DNAH11: variants seen among roughly 807,000 people sequenced by gnomAD.
The protein encoded by DNAH11 is dynein axonemal heavy chain 11.
In DNAH11, 442 loss-of-function variants were observed where a neutral mutation model predicts 526.0. The observed-to-expected ratio is 0.84, with a 90% CI of 0.78 to 0.91. The LOEUF (loss-of-function observed/expected upper bound fraction) is 0.91, where lower values mean the gene tolerates loss of function less well. Among genes scored for constraint, DNAH11 ranks in the 40% least tolerant of loss-of-function variants. The pLI, the probability that DNAH11 is intolerant of heterozygous loss-of-function variation, is 0.00. For missense variants in DNAH11, 6,989 were observed against 5,448.7 expected, an observed-to-expected ratio of 1.28 and a Z score of -8.90; for synonymous variants, 2,461 against 1,935.9, an observed-to-expected ratio of 1.27 and a Z score of -7.12.
chr7:21,707,669 T>A, intron 39 of DNAH11, 30 bp from the exon 40 acceptor site: 1 of 1,594,188 alleles, frequency 6.3e-7, no homozygotes, highest in Non-Finnish European at 8.5e-7. Flanking sequence ...TTAGTATTAA[T>A]TTTTTTGGCT....
At chr7:21,761,192 C>A (rs191218313) in intron 54 of DNAH11, among the ~76,000 whole-genome samples, 13 of 152,264 alleles carry the variant, frequency 8.5e-5, no homozygotes, top group African/African-American at 2.9e-4. Context: ...GCAAGGAAAG[C>A]TGGATGGCAG....
chr7:21,584,613 A>G (rs1220518299), intron 9 of DNAH11, among the ~76,000 whole-genome samples: 1 of 152,184 alleles, frequency 6.6e-6, no homozygotes, highest in Admixed American at 6.5e-5. Context: ...TCTTTGTTTT[A>G]TAAGAACTCT....
intron 56 of DNAH11, among the ~76,000 whole-genome samples, chr7:21,776,600 A>G (rs1375781175): frequency 1.3e-5 from 2 of 152,220 alleles, no homozygotes; most frequent in African/African-American, 4.8e-5. Flanking sequence ...AGGTCATCAC[A>G]GATAGTCCTA....
chr7:21,774,265 G>C (rs76967247), intron 56 of DNAH11, among the ~76,000 whole-genome samples: 1 of 152,076 alleles, frequency 6.6e-6, no homozygotes, highest in East Asian at 2.0e-4. Context: ...AGACACAGCG[G>C]ATTGCCTCTC....
intron 73 of DNAH11, among the ~76,000 whole-genome samples, chr7:21,869,570 C>A (rs1783420306): frequency 1.3e-5 from 2 of 152,074 alleles, no homozygotes; most frequent in South Asian, 4.1e-4. Flanking sequence ...AATACCAGGC[C>A]ACTGCCCAGG....
At chr7:21,872,961 C>T (rs1237781161) in intron 73 of DNAH11, among the ~76,000 whole-genome samples, 1 of 152,140 alleles carries the variant, frequency 6.6e-6, no homozygotes, top group Non-Finnish European at 1.5e-5. Flanking sequence ...AAGTACTAGG[C>T]AACTCCATCT....
intron 55 of DNAH11, among the ~76,000 whole-genome samples, chr7:21,768,827 A>C (rs1459863649): frequency 6.6e-6 from 1 of 152,188 alleles, no homozygotes; most frequent in East Asian, 1.9e-4. Flanking sequence ...TGGCATGCCA[A>C]ACACAAAGGG....
chr7:21,554,317 G>A (rs1011408093), intron 2 of DNAH11, among the ~76,000 whole-genome samples: 22 of 152,100 alleles, frequency 1.4e-4, no homozygotes, highest in African/African-American at 5.1e-4. Context: ...GAGATTACAG[G>A]TGCGTACCAC....
chr7:21,630,121 A>C (rs1402628860), intron 25 of DNAH11, among the ~76,000 whole-genome samples: 1 of 152,114 alleles, frequency 6.6e-6, no homozygotes, highest in African/African-American at 2.4e-5. Flanking sequence ...TAGAAAAACT[A>C]TACCAAGTTA....
intron 35 of DNAH11, among the ~76,000 whole-genome samples, chr7:21,694,402 A>G (rs1362040191): frequency 6.6e-6 from 1 of 152,010 alleles, no homozygotes; most frequent in Non-Finnish European, 1.5e-5. Flanking sequence ...CCCTGCGTCC[A>G]TGTGTTCTCA....
chr7:21,552,188 G>A lies in DNAH11; in HGVS notation c.496-6614G>A, dbSNP rs538808221. On this transcript the variant is annotated intron_variant, in intron 2 of 81. Transcript: ENST00000409508. ...CACATGGAATGGTTTCTCTAAAGAAGGGAGGGCCAGGACCAGGGCTGTAAT... is the reference window on the plus strand; with the variant it reads ...CACATGGAATGGTTTCTCTAAAGAAAGGAGGGCCAGGACCAGGGCTGTAAT... 1.1e-3 allele frequency among the ~76,000 whole-genome samples: 161 copies of A among 152,322 alleles called. 1 individual carries two copies. Among genetic ancestry groups the A allele is most frequent in the Non-Finnish European group, 1.2e-3 (85 of 68,030 alleles).
chr7:21,708,787 C>T (rs1177460641), intron 40 of DNAH11, among the ~76,000 whole-genome samples: 1 of 152,212 alleles, frequency 6.6e-6, no homozygotes, highest in Non-Finnish European at 1.5e-5. Context: ...GCCCGCATGA[C>T]TTGCTCCCTT....
chr7:21,873,142 T>C, intron 73 of DNAH11, 132 bp from the exon 74 acceptor site: 10 of 807,410 alleles, frequency 1.2e-5, no homozygotes, highest in Non-Finnish European at 1.8e-5. Flanking sequence ...ATTTTTATGA[T>C]GTATTGATAA....
chr7:21,743,416 A>G (rs1442128628), intron 49 of DNAH11, among the ~76,000 whole-genome samples: 1 of 152,244 alleles, frequency 6.6e-6, no homozygotes, highest in East Asian at 1.9e-4. Context: ...TGAAGGGGAA[A>G]TTGAAAGTCT....
intron 54 of DNAH11, among the ~76,000 whole-genome samples, chr7:21,761,879 G>C (rs1203812625): frequency 6.6e-6 from 1 of 152,110 alleles, no homozygotes; most frequent in Non-Finnish European, 1.5e-5. Flanking sequence ...TTCTCACACT[G>C]CTATAAAGAA....
intron 61 of DNAH11, among the ~76,000 whole-genome samples, chr7:21,789,571 C>T (rs1247892879): frequency 1.3e-5 from 2 of 152,020 alleles, no homozygotes; most frequent in Non-Finnish European, 2.9e-5. Flanking sequence ...AGCTAAGAAA[C>T]ATTTGCAGTC....
At chr7:21,875,849 CT>C (rs1225839120) in intron 74 of DNAH11, among the ~76,000 whole-genome samples, 1 of 128,262 alleles carries the variant, frequency 7.8e-6, no homozygotes, top group Non-Finnish European at 1.7e-5. Flanking sequence ...ATTAGAAGGG[CT>C]TTTAGGAACT....
At chr7:21,554,160 G>T (rs1192760674) in intron 2 of DNAH11, among the ~76,000 whole-genome samples, 2 of 140,120 alleles carry the variant, frequency 1.4e-5, no homozygotes, top group African/African-American at 2.6e-5. Flanking sequence ...ATTTGTGTCT[G>T]TTCTCTGGGA....
At chr7:21,765,279 G>A in intron 54 of DNAH11, 149 bp from the exon 55 acceptor site, 1 of 1,085,950 alleles carries the variant, frequency 9.2e-7, no homozygotes, top group Non-Finnish European at 1.3e-6. Flanking sequence ...TTAGCAAGGA[G>A]GTTAATGTTG....
Sources: gnomAD v4.1 joint callset for allele counts (sites outside exome capture counted in the v4.1 genomes callset) on GRCh38, gnomAD v4.1.1 for gene constraint, MANE v1.5 for transcripts, NCBI Gene and HGNC (gene_info 2026-07-23, HGNC 2026-07-21) for gene names.